WWC1: variants seen among roughly 807,000 people sequenced by gnomAD.
WWC1 encodes the protein protein KIBRA.
Under a neutral mutation model 138.4 loss-of-function variants are expected in WWC1, and 55 were observed. That is an observed-to-expected ratio of 0.40 (90% CI 0.32 to 0.50). The LOEUF (loss-of-function observed/expected upper bound fraction) is 0.50, where lower values mean the gene tolerates loss of function less well. Among genes scored for constraint, WWC1 ranks in the 20% least tolerant of loss-of-function variants. The pLI, the probability that WWC1 is intolerant of heterozygous loss-of-function variation, is 0.72. For synonymous variants in WWC1, 524 were observed against 564.9 expected, an observed-to-expected ratio of 0.93 and a Z score of 1.03; for missense variants, 1,226 against 1,420.4, an observed-to-expected ratio of 0.86 and a Z score of 2.20.
intron 19 of WWC1, among the ~76,000 whole-genome samples, chr5:168,456,451 G>A (rs958201648): frequency 6.6e-6 from 1 of 152,110 alleles, no homozygotes; most frequent in African/African-American, 2.4e-5. Context: ...TGGCCCACAT[G>A]GTGAAATCCT....
intron 1 of WWC1, among the ~76,000 whole-genome samples, chr5:168,328,288 A>G (rs1194091866): frequency 6.6e-6 from 1 of 152,192 alleles, no homozygotes; most frequent in African/African-American, 2.4e-5. Context: ...AGGGGCTAGA[A>G]CAGAATGGGT....
At chr5:168,391,450 G>GGAGATC (rs1255203102) in intron 3 of WWC1, among the ~76,000 whole-genome samples, 22 of 152,132 alleles carry the variant, frequency 1.4e-4, no homozygotes, top group African/African-American at 5.3e-4. Context: ...CACGAGGTCA[G>GGAGATC]GAGATCGAGA....
At chr5:168,455,099 T>G (rs1358055301) in intron 18 of WWC1, among the ~76,000 whole-genome samples, 1 of 152,136 alleles carries the variant, frequency 6.6e-6, no homozygotes, top group Non-Finnish European at 1.5e-5. Context: ...GTGAGTTTGT[T>G]TGGGGGCTGA....
In WWC1 at chr5:168,464,751, G is replaced by T; in HGVS notation, c.2939G>T (p.Arg980Leu). 1 of 1,614,126 alleles carries T rather than the reference G, an allele frequency of 6.2e-7. No individual in the cohort carries two copies. The highest frequency in any genetic ancestry group is 8.5e-7 in the Non-Finnish European group (1 of 1,180,040). The change falls in exon 21 of 23, where the codon CGC (arginine) becomes CTC (leucine). Residue 980 changes from arginine to leucine, a missense_variant. Around this residue, in one of 3 missense-constraint regions of WWC1, gnomAD observed 206 missense variants for 247.4 expected, o/e 0.83. Coordinates refer to ENST00000265293, the MANE Select transcript of WWC1 (RefSeq NM_015238.3). ...CAGCCTTCCTCGGTCAAGTCGCTGC[G>T]CTCCGAGCGTCTGATCCGTACCTCG... ...MKRPSSVKSL[R>L]SERLIRTSLD...
At chr5:168,338,760 C>G (rs1773725608) in intron 1 of WWC1, among the ~76,000 whole-genome samples, 1 of 152,026 alleles carries the variant, frequency 6.6e-6, no homozygotes, top group African/African-American at 2.4e-5. Context: ...TGCATGTTCT[C>G]ACTCATGTGG....
intron 8 of WWC1, chr5:168,411,608 G>A (rs1254246452): frequency 6.6e-6 from 1 of 152,146 alleles, no homozygotes; most frequent in Non-Finnish European, 1.5e-5. Context: ...TTGCCTTTAT[G>A]TTGGCTTTAC....
At chr5:168,379,103 A>G (rs1208896941) in intron 2 of WWC1, among the ~76,000 whole-genome samples, 2 of 152,230 alleles carry the variant, frequency 1.3e-5, no homozygotes, top group Non-Finnish European at 1.5e-5. Context: ...TGCCTGCACT[A>G]GAGCAGATAC....
In WWC1 at chr5:168,428,038, A is replaced by G. The variant is rs1781639622; in HGVS notation, c.1816A>G (p.Asn606Asp). 6.2e-7 allele frequency: 1 copy of G among 1,613,296 alleles called. No individual in the cohort carries two copies. The highest frequency in any genetic ancestry group is 8.5e-7 in the Non-Finnish European group (1 of 1,179,544). ...TEGKQLGQAV[N>D]TAQGCGLKVA... The stretch of plus-strand genomic sequence containing the variant: ...TTTCCATTTTCCTTCCCTAGCTGTG[A>G]ATACGGCCCAGGGGTGTGGCCTGAA... The change falls in exon 12 of 23, where the codon AAT (asparagine) becomes GAT (aspartate). Residue 606 changes from asparagine (N) to aspartate (D), a missense_variant. This residue lies in a region of WWC1 where 1,016 missense variants were observed against 1,153.9 expected (regional missense o/e 0.88). Coordinates refer to ENST00000265293, the MANE Select transcript of WWC1 (RefSeq NM_015238.3).
chr5:168,423,534 C>G lies in WWC1; in HGVS notation c.1276C>G (p.Leu426Val). 6.2e-7 allele frequency: 1 copy of G among 1,608,252 alleles called. No homozygotes were observed. The highest frequency in any genetic ancestry group is 8.5e-7 in the Non-Finnish European group (1 of 1,177,348). ...VATLHSQLKSLSSSMQSLSSG... is the reference protein window; with the variant it reads ...VATLHSQLKSVSSSMQSLSSG... ...GTCCTTCCCCTCCCTGTGTCCCAGTCTCTCAAGCAGCATGCAGTCCCTGTC... is the reference window on the plus strand; with the variant it reads ...GTCCTTCCCCTCCCTGTGTCCCAGTGTCTCAAGCAGCATGCAGTCCCTGTC... Residue 426 changes from leucine to valine, a missense_variant and splice_region_variant, in exon 11 of 23, where the codon CTC becomes GTC. By Grantham distance (32) the Leu-to-Val change is conservative (BLOSUM62 1). Coordinates refer to ENST00000265293, the MANE Select transcript of WWC1 (RefSeq NM_015238.3).
intron 1 of WWC1, among the ~76,000 whole-genome samples, chr5:168,339,286 G>A (rs529952358): frequency 6.6e-6 from 1 of 152,280 alleles, no homozygotes; most frequent in African/African-American, 2.4e-5. Context: ...GCAGAGGGAT[G>A]AGGGTGGGGT....
chr5:168,449,246 T>G (rs780126872), intron 17 of WWC1, among the ~76,000 whole-genome samples: 20 of 151,750 alleles, frequency 1.3e-4, no homozygotes, highest in Non-Finnish European at 2.2e-4. Context: ...GGGTTTGTGG[T>G]TTTTTTTTCT....
At chr5:168,321,421 T>A (rs1744458119) in intron 1 of WWC1, among the ~76,000 whole-genome samples, 1 of 152,162 alleles carries the variant, frequency 6.6e-6, no homozygotes, top group African/African-American at 2.4e-5. Context: ...TGCCTTCATC[T>A]GGTTAACCTC....
intron 1 of WWC1, among the ~76,000 whole-genome samples, chr5:168,311,555 T>C (rs1206350103): frequency 6.6e-6 from 1 of 152,118 alleles, no homozygotes; most frequent in Non-Finnish European, 1.5e-5. Context: ...GCCTGTTCCC[T>C]TGCTTTGTAA....
In WWC1 at chr5:168,411,991, A is replaced by G. The variant is rs79628355; in HGVS notation, c.941+1996A>G. 6,172 of 985,374 alleles carry G rather than the reference A, an allele frequency of 6.3e-3. 52 individuals are homozygous for G. Among genetic ancestry groups the G allele is most frequent in the East Asian group, 0.037 (325 of 8,808 alleles). 61.0% of individuals were successfully genotyped at this position (985,374 alleles called of 1,614,324 possible). ...TCAGGTAGAAAAAAACAGATGTCCT[A>G]TGTACTATTTCAGCTCCCCCAGGCG... On this transcript the variant is annotated intron_variant, in intron 8 of 22. Transcript: ENST00000265293.
At chr5:168,386,438 G>C (rs1278779651) in intron 3 of WWC1, among the ~76,000 whole-genome samples, 3 of 151,522 alleles carry the variant, frequency 2.0e-5, no homozygotes, top group Non-Finnish European at 4.4e-5. Flanking sequence ...TGTTGCCCAG[G>C]CTGGAGTGCA....
Position 168,454,080 on chromosome 5 carries a change from G to C in WWC1, c.2638G>C (p.Asp880His), listed in dbSNP as rs1321366520. The change falls in exon 18 of 23, where the codon GAT becomes CAT. Residue 880 changes from aspartate to histidine, a missense_variant. Around this residue, in one of 3 missense-constraint regions of WWC1, gnomAD observed 1,016 missense variants for 1,153.9 expected, o/e 0.88. Transcript: ENST00000265293. ...VFTEKASPDM[D>H]GYPALKVDKE... is the part of the protein sequence containing the mutation. The stretch of plus-strand genomic sequence containing the variant: ...CACCGAGAAAGCCTCACCTGATATG[G>C]ATGGGTACCCAGCATTAAAGGTAGG... 28 of 1,613,460 alleles carry C rather than the reference G, an allele frequency of 1.7e-5. No individual in the cohort carries two copies. The East Asian group carries it at 6.2e-4, about 36-fold the overall frequency.
At chr5:168,330,789 T>C (rs989615797) in intron 1 of WWC1, among the ~76,000 whole-genome samples, 22 of 152,086 alleles carry the variant, frequency 1.4e-4, no homozygotes, top group Admixed American at 1.3e-3. Flanking sequence ...GGCTCTGCAA[T>C]TGAGGAAGCC....
chr5:168,346,123 TCCCTC>T (rs1350284776), intron 1 of WWC1, among the ~76,000 whole-genome samples: 8 of 150,830 alleles, frequency 5.3e-5, no homozygotes. Flanking sequence ...GCCCTGGCTC[TCCCTC>T]CACCTGAAGC....
intron 1 of WWC1, among the ~76,000 whole-genome samples, chr5:168,359,607 CTA>C (rs1299819067): frequency 6.6e-6 from 1 of 152,120 alleles, no homozygotes; most frequent in African/African-American, 2.4e-5. Context: ...GCCAATTAAA[CTA>C]TGTCCCAATG....
Sources: allele counts gnomAD v4.1 joint callset (sites outside exome capture counted in the v4.1 genomes callset), GRCh38; gene constraint gnomAD v4.1.1; regional missense constraint gnomAD v4.1.1; transcripts MANE v1.5; gene names NCBI Gene and HGNC (gene_info 2026-07-23, HGNC 2026-07-21).